The following MACROH2A2 variants were observed in gnomAD, a reference collection of about 807,000 sequenced individuals.
MACROH2A2 encodes macroH2A.2 histone.
A neutral mutation model predicts 37.6 loss-of-function variants in MACROH2A2; 6 were observed. That is an observed-to-expected ratio of 0.16 (90% CI 0.09 to 0.32). The LOEUF is 0.32. Ranked by LOEUF, MACROH2A2 falls within the 10% of genes least tolerant of loss-of-function variation. The pLI is 1.00. For missense variants in MACROH2A2, 290 were observed against 485.9 expected, an observed-to-expected ratio of 0.60 and a Z score of 3.79; for synonymous variants, 192 against 202.7, an observed-to-expected ratio of 0.95 and a Z score of 0.45.
intron 2 of MACROH2A2, among the ~76,000 whole-genome samples, chr10:70,087,453 G>A (rs1027348218): frequency 5.9e-5 from 9 of 151,546 alleles, no homozygotes; most frequent in Non-Finnish European, 1.3e-4. Context: ...GTCTGGTCTC[G>A]AACTCCTGAC....
intron 1 of MACROH2A2, among the ~76,000 whole-genome samples, chr10:70,064,782 T>G (rs181428347): frequency 1.1e-3 from 172 of 152,332 alleles, no homozygotes; most frequent in Admixed American, 2.7e-3. Flanking sequence ...TATGTGGAAC[T>G]GTTAAGTCTA....
chr10:70,108,990 A>G, intron 7 of MACROH2A2, 43 bp from the exon 8 acceptor site: 2 of 1,577,050 alleles, frequency 1.3e-6, no homozygotes, highest in South Asian at 1.1e-5. Context: ...AACCTAGGAA[A>G]CCTTAGGAAA....
intron 1 of MACROH2A2, among the ~76,000 whole-genome samples, chr10:70,074,629 G>A (rs1033169187): frequency 3.9e-5 from 6 of 152,082 alleles, no homozygotes. Flanking sequence ...TGAATCATGG[G>A]GGTGGTTTCC....
At chr10:70,068,636 G>GA (rs922693538) in intron 1 of MACROH2A2, among the ~76,000 whole-genome samples, 17 of 151,980 alleles carry the variant, frequency 1.1e-4, no homozygotes, top group African/African-American at 4.1e-4. Context: ...AGCTTTGCAA[G>GA]AAAAAAATGG....
chr10:70,082,999 A>G (rs79918572), intron 2 of MACROH2A2, among the ~76,000 whole-genome samples: 1 of 148,232 alleles, frequency 6.7e-6, no homozygotes, highest in Non-Finnish European at 1.5e-5. Context: ...TTTTTTTTTA[A>G]TCAAGCACCT....
chr10:70,057,068 C>T (rs761649374), intron 1 of MACROH2A2, among the ~76,000 whole-genome samples: 107 of 151,882 alleles, frequency 7.0e-4, no homozygotes, highest in Non-Finnish European at 1.1e-3. Flanking sequence ...AATTCATTTC[C>T]CCCAAAAAAT....
intron 6 of MACROH2A2, among the ~76,000 whole-genome samples, chr10:70,097,911 C>G (rs1462518264): frequency 6.6e-6 from 1 of 150,874 alleles, no homozygotes; most frequent in Non-Finnish European, 1.5e-5. Flanking sequence ...GAGTTTGAGA[C>G]CAGCCTGGAC....
At chr10:70,104,280 G>C (rs1407937686) in intron 7 of MACROH2A2, among the ~76,000 whole-genome samples, 1 of 151,242 alleles carries the variant, frequency 6.6e-6, no homozygotes, top group Non-Finnish European at 1.5e-5. Context: ...GGGCACATTA[G>C]TATAACAGCA....
chr10:70,109,691 T>A (rs1362349699), intron 8 of MACROH2A2, among the ~76,000 whole-genome samples: 1 of 152,130 alleles, frequency 6.6e-6, no homozygotes, highest in African/African-American at 2.4e-5. Flanking sequence ...GGCTCCAGAA[T>A]CCCCAGAGAA....
At chr10:70,057,603 T>G (rs1395604400) in intron 1 of MACROH2A2, among the ~76,000 whole-genome samples, 1 of 152,202 alleles carries the variant, frequency 6.6e-6, no homozygotes, top group Non-Finnish European at 1.5e-5. Context: ...AGAGTTAAAC[T>G]TTCATTATTA....
chr10:70,052,984 A>T lies in MACROH2A2; in HGVS notation c.-76A>T, dbSNP rs2071984153. On this transcript the variant is annotated 5_prime_UTR_variant, in exon 1 of 9. Transcript: ENST00000373255. ...GCAGAGGGCACCGGGCGCCGGGAGCAGGCGGCGCAGCACCAGGTGAGCCCG... is the reference window on the plus strand; with the variant it reads ...GCAGAGGGCACCGGGCGCCGGGAGCTGGCGGCGCAGCACCAGGTGAGCCCG... The T allele has an allele frequency of 6.6e-6, 1 of 152,344 alleles. No individual in the cohort carries two copies. Among genetic ancestry groups the T allele is most frequent in the South Asian group, 2.1e-4 (1 of 4,830 alleles). 9.4% of individuals were successfully genotyped at this position (152,344 alleles called of 1,614,324 possible).
intron 1 of MACROH2A2, among the ~76,000 whole-genome samples, chr10:70,072,279 A>G (rs2072115487): frequency 6.6e-6 from 1 of 151,838 alleles, no homozygotes. Flanking sequence ...AACTTTTTAA[A>G]CTTCTGTTAA....
intron 1 of MACROH2A2, among the ~76,000 whole-genome samples, chr10:70,054,739 A>G (rs2072003899): frequency 6.6e-6 from 1 of 152,192 alleles, no homozygotes; most frequent in Non-Finnish European, 1.5e-5. Flanking sequence ...GATTTTTAGA[A>G]TTGTTTTAGC....
Position 70,053,360 on chromosome 10 carries a change from C to T in MACROH2A2, c.-60+360C>T, listed in dbSNP as rs911684085. Among the ~76,000 whole-genome samples the T allele has an allele frequency of 6.6e-6, 1 of 151,672 alleles. No homozygotes were observed. Among genetic ancestry groups the T allele is most frequent in the Non-Finnish European group, 1.5e-5 (1 of 67,874 alleles). On this transcript the variant is annotated intron_variant, in intron 1 of 8. Transcript: ENST00000373255. This position sits in a 1 kb window ranked among gnomAD's most constrained non-coding sequence, Gnocchi z 4.8. ...AGGAAGCGGAGGTCTCCTGGGAATG[C>T]GGAGTTTCGGGCGCAGGAGCGGGAG...
chr10:70,100,415 A>C lies in MACROH2A2; in HGVS notation c.778+118A>C, dbSNP rs1589840038. On this transcript the variant is annotated intron_variant, in intron 7 of 8. Coordinates refer to ENST00000373255, the MANE Select transcript of MACROH2A2 (RefSeq NM_018649.3). ...GAGTCAAAGTATGCCATAACTAATC[A>C]GAAAGCTGTTTTAGCATCTCAGGTA... 10 of 608,726 alleles carry C rather than the reference A, an allele frequency of 1.6e-5. No homozygotes were observed. In the East Asian group the frequency reaches 2.8e-4, roughly 17 times the overall value. 37.7% of individuals were successfully genotyped at this position (608,726 alleles called of 1,614,324 possible).
chr10:70,096,865 G>GCC (rs2072279448), intron 6 of MACROH2A2, among the ~76,000 whole-genome samples: 1 of 152,120 alleles, frequency 6.6e-6, no homozygotes, highest in African/African-American at 2.4e-5. Flanking sequence ...AGATAGGACA[G>GCC]CCCTGGGAAA....
intron 1 of MACROH2A2, among the ~76,000 whole-genome samples, chr10:70,063,738 T>A (rs2072062332): frequency 6.6e-6 from 1 of 152,084 alleles, no homozygotes; most frequent in Admixed American, 6.6e-5. Context: ...GCCACAGAAA[T>A]AATGGTAAAG....
At chr10:70,110,119 G>A (rs1161469230) in intron 8 of MACROH2A2, among the ~76,000 whole-genome samples, 2 of 152,186 alleles carry the variant, frequency 1.3e-5, no homozygotes, top group African/African-American at 4.8e-5. Context: ...TCTTTCGTCG[G>A]TGGAACCACG....
intron 1 of MACROH2A2, among the ~76,000 whole-genome samples, chr10:70,057,998 A>T (rs1235153987): frequency 6.6e-6 from 1 of 152,200 alleles, no homozygotes; most frequent in African/African-American, 2.4e-5. Flanking sequence ...CCTTATGCCC[A>T]CGTGGTAAGA....
Sources: gnomAD v4.1 joint callset for allele counts (sites outside exome capture counted in the v4.1 genomes callset) on GRCh38, gnomAD v4.1.1 for gene constraint, Gnocchi (gnomAD v3.1) non-coding constraint, MANE v1.5 for transcripts, NCBI Gene and HGNC (gene_info 2026-07-23, HGNC 2026-07-21) for gene names.